PRUNE2: variants seen among roughly 807,000 people sequenced by gnomAD.
PRUNE2 encodes the protein prune homolog 2 with BCH domain, also known as protein prune homolog 2.
A neutral mutation model predicts 252.0 loss-of-function variants in PRUNE2; 164 were observed. The ratio of observed to expected loss-of-function variants is 0.65; its 90% confidence interval spans 0.57 to 0.74. The LOEUF (loss-of-function observed/expected upper bound fraction) is 0.74, where lower values mean the gene tolerates loss of function less well. PRUNE2 is among the 30% of genes least tolerant of loss of function. The probability of loss-of-function intolerance (pLI) is 0.00; values close to 1 mark genes in which losing one functional copy is unlikely to be tolerated. For missense variants in PRUNE2, 3,495 were observed against 3,711.0 expected (o/e 0.94, Z 1.51); for synonymous variants, 1,292 against 1,350.2 (o/e 0.96, Z 0.94).
intron 1 of PRUNE2, among the ~76,000 whole-genome samples, chr9:76,902,114 T>C (rs1343405): frequency 0.61 from 92,455 of 152,020 alleles, 29,096 homozygotes; most frequent in African/African-American, 0.78. Context: ...AGCCAGAGCC[T>C]CAGAACTCTC....
Position 76,658,475 on chromosome 9 carries a change from T to C in PRUNE2, c.8277-2973A>G, listed in dbSNP as rs140693515. On this transcript the variant is annotated intron_variant, in intron 9 of 18. Transcript: ENST00000376718. ...AGAGAAACCCAAGTCACGCTCTTTG[T>C]AAATACTTCAACCACATTCATACAT... Among the ~76,000 whole-genome samples the C allele has an allele frequency of 5.9e-3, 892 of 152,364 alleles. 6 individuals carry two copies. The highest frequency in any genetic ancestry group is 0.019 in the African/African-American group (794 of 41,590).
Position 76,709,161 on chromosome 9 carries a change from G to C in PRUNE2, c.3113C>G (p.Thr1038Arg). 6.2e-7 allele frequency: 1 copy of C among 1,613,990 alleles called. No individual in the cohort carries two copies. The highest frequency in any genetic ancestry group is 8.5e-7 in the Non-Finnish European group (1 of 1,179,888). Residue 1038 changes from threonine to arginine, a missense_variant, in exon 8 of 19, where the codon ACA becomes AGA. Coordinates refer to ENST00000376718, the MANE Select transcript of PRUNE2 (RefSeq NM_015225.3). The stretch of plus-strand genomic sequence containing the variant: ...GGTATTTATTTCAGAACTGTTATCT[G>C]TATGAGGTGAAGCCCACATGTCTAG... The part of the protein sequence containing the change: ...GNLDMWASPH[T>R]DNSSEINTTH...
chr9:76,691,951 C>T (rs547815130), intron 9 of PRUNE2: 2 of 653,564 alleles, frequency 3.1e-6, no homozygotes, highest in Non-Finnish European at 2.8e-6. Context: ...ATCCTCTCAT[C>T]CCCCTCCCGT....
At chr9:76,740,162 A>T (rs1283547251) in intron 6 of PRUNE2, 3 of 151,604 alleles carry the variant, frequency 2.0e-5, no homozygotes, top group Non-Finnish European at 2.9e-5. Context: ...AGAATTAGGC[A>T]TTGAAGACCG....
chr9:76,807,230 TAA>T (rs56229301), intron 6 of PRUNE2, among the ~76,000 whole-genome samples: 2 of 146,032 alleles, frequency 1.4e-5, no homozygotes, highest in Non-Finnish European at 3.0e-5. Context: ...CTGGCTAATT[TAA>T]AAAAAAAAAA....
chr9:76,642,909 G>C (rs928466496), intron 12 of PRUNE2, among the ~76,000 whole-genome samples: 1 of 152,204 alleles, frequency 6.6e-6, no homozygotes, highest in African/African-American at 2.4e-5. Context: ...AGGCAGGGCT[G>C]GGGAGAGGGG....
At chr9:76,744,346 A>G (rs539507109) in intron 6 of PRUNE2, among the ~76,000 whole-genome samples, 1 of 152,338 alleles carries the variant, frequency 6.6e-6, no homozygotes, top group East Asian at 1.9e-4. Context: ...GTGGACACAG[A>G]AGCCTTCCAC....
intron 11 of PRUNE2, among the ~76,000 whole-genome samples, chr9:76,649,787 T>C (rs1426761327): frequency 1.3e-5 from 2 of 152,144 alleles, no homozygotes; most frequent in African/African-American, 4.8e-5. Context: ...AGAAGACCAA[T>C]TGAATATATT....
chr9:76,757,519 GT>G (rs2051264589), intron 6 of PRUNE2, among the ~76,000 whole-genome samples: 1 of 152,176 alleles, frequency 6.6e-6, no homozygotes, highest in Non-Finnish European at 1.5e-5. Context: ...ACCATTCTAA[GT>G]TTTTCTGCTT....
At chr9:76,677,213 A>G (rs906289779) in intron 9 of PRUNE2, among the ~76,000 whole-genome samples, 1 of 151,638 alleles carries the variant, frequency 6.6e-6, no homozygotes, top group Non-Finnish European at 1.5e-5. Context: ...GGTTTCTTTT[A>G]CTGTTGCTTT....
chr9:76,696,898 G>C (rs1463599913), intron 9 of PRUNE2, among the ~76,000 whole-genome samples: 1 of 152,194 alleles, frequency 6.6e-6, no homozygotes, highest in Non-Finnish European at 1.5e-5. Flanking sequence ...CCCACTCCTG[G>C]GGTCTAGGAA....
At position 76,706,602 on chromosome 9, in the gene PRUNE2, T is replaced by C. The variant is rs747844473; in HGVS notation, c.5672A>G (p.His1891Arg). Residue 1891 changes from histidine to arginine, a missense_variant, in exon 8 of 19, where the codon CAT (histidine) becomes CGT (arginine). Physicochemically the swap from His to Arg is conservative, Grantham distance 29 (BLOSUM62 0). Transcript: ENST00000376718. The part of the protein sequence containing the change: ...THYTNPFSDN[H>R]QSPFLEGNGK... The stretch of plus-strand genomic sequence containing the variant: ...ATTACCTTCCAGAAAGGGTGACTGA[T>C]GGTTGTCACTAAAAGGATTAGTATA... 1 of 1,613,964 alleles carries C rather than the reference T, an allele frequency of 6.2e-7. No homozygotes were observed.
chr9:76,685,748 A>T (rs2044013028), intron 9 of PRUNE2, among the ~76,000 whole-genome samples: 1 of 152,214 alleles, frequency 6.6e-6, no homozygotes, highest in African/African-American at 2.4e-5. Context: ...TCTACCGTTT[A>T]AGCCACCTCA....
intron 6 of PRUNE2, among the ~76,000 whole-genome samples, chr9:76,777,085 C>G (rs1297055362): frequency 6.6e-6 from 1 of 151,978 alleles, no homozygotes; most frequent in Non-Finnish European, 1.5e-5. Context: ...CTCCCCTGCC[C>G]CATAGCCCTT....
At chr9:76,615,034 C>T in intron 18 of PRUNE2, 7 of 910,732 alleles carry the variant, frequency 7.7e-6, no homozygotes, top group Non-Finnish European at 6.6e-6. Context: ...AAATGGTAAA[C>T]AACAAAACAA....
chr9:76,863,287 T>G (rs1213132776), intron 1 of PRUNE2: 1 of 152,166 alleles, frequency 6.6e-6, no homozygotes, highest in Non-Finnish European at 1.5e-5. Flanking sequence ...TACCTAGTTT[T>G]CAAACCTTGT....
At position 76,709,188 on chromosome 9, in the gene PRUNE2, T is replaced by A. The variant is rs999824003; in HGVS notation, c.3086A>T (p.Asn1029Ile). ...ATGAGGTGAAGCCCACATGTCTAGG[T>A]TCCCAGGACCTGAACTGATTCGATT... ...SRNRISSGPG[N>I]LDMWASPHTD... The change falls in exon 8 of 19, where the codon AAC (asparagine) becomes ATC (isoleucine). Residue 1029 changes from asparagine (N) to isoleucine (I), a missense_variant. Transcript: ENST00000376718. 22 of 1,613,720 alleles carry A rather than the reference T, an allele frequency of 1.4e-5. No individual in the cohort carries two copies. Among genetic ancestry groups the A allele is most frequent in the Non-Finnish European group, 1.8e-5 (21 of 1,179,798 alleles).
In PRUNE2 at chr9:76,804,160, C is replaced by T. The variant is rs114101232; in HGVS notation, c.756+19472G>A. Reference sequence around the variant, plus strand: ...TCAGGACAGCCACCTATTCTACACCCCACTGTGACGCCAGCTAGTCAGCAC... The same window carrying T: ...TCAGGACAGCCACCTATTCTACACCTCACTGTGACGCCAGCTAGTCAGCAC... On this transcript the variant is annotated intron_variant, in intron 6 of 18. Transcript: ENST00000376718. 8.1e-3 allele frequency among the ~76,000 whole-genome samples: 1,236 copies of T among 152,276 alleles called. 15 individuals are homozygous for T. The highest frequency in any genetic ancestry group is 0.028 in the African/African-American group (1,170 of 41,526).
chr9:76,883,383 T>C (rs1463673429), intron 1 of PRUNE2, among the ~76,000 whole-genome samples: 1 of 152,226 alleles, frequency 6.6e-6, no homozygotes, highest in Non-Finnish European at 1.5e-5. Flanking sequence ...TAAGATTCAT[T>C]ATTTGTTCTC....
Sources: gnomAD v4.1 joint callset for allele counts (sites outside exome capture counted in the v4.1 genomes callset) on GRCh38, gnomAD v4.1.1 for gene constraint, MANE v1.5 for transcripts, NCBI Gene and HGNC (gene_info 2026-07-23, HGNC 2026-07-21) for gene names.